ACSM2B: variants seen among roughly 807,000 people sequenced by gnomAD.
ACSM2B encodes acyl-CoA synthetase medium chain family member 2B, also known as acyl-coenzyme A synthetase ACSM2B, mitochondrial.
ACSM2B carries 58 observed loss-of-function variants against 78.6 expected under a neutral mutation model. The observed-to-expected ratio is 0.74, with a 90% confidence interval of 0.60 to 0.92. The LOEUF is 0.92. Ranked by LOEUF, ACSM2B falls within the 40% of genes least tolerant of loss-of-function variation. The probability of loss-of-function intolerance (pLI) is 0.00; values close to 1 mark genes in which losing one functional copy is unlikely to be tolerated. For missense variants in ACSM2B, 688 were observed against 711.2 expected, an observed-to-expected ratio of 0.97 and a Z score of 0.37; for synonymous variants, 257 against 256.8, an observed-to-expected ratio of 1.00 and a Z score of -0.01.
chr16:20,568,942 C>T (rs2016013509), intron 1 of ACSM2B, among the ~76,000 whole-genome samples: 1 of 151,474 alleles, frequency 6.6e-6, no homozygotes, highest in Non-Finnish European at 1.5e-5. Context: ...TGTTTGAGTT[C>T]CTTCTAGATT....
At chr16:20,560,802 T>C (rs1372254362) in intron 2 of ACSM2B, among the ~76,000 whole-genome samples, 2 of 152,110 alleles carry the variant, frequency 1.3e-5, no homozygotes, top group African/African-American at 4.8e-5. Context: ...ACTGGTTAAA[T>C]AGTTGTGAAC....
chr16:20,559,262 C>A lies in ACSM2B; in HGVS notation c.363G>T (p.Leu121=). Residue 121 remains leucine (L), a synonymous_variant, in exon 3 of 14, where the codon CTG becomes CTT. Coordinates refer to ENST00000329697, the MANE Select transcript of ACSM2B (RefSeq NM_001105069.2). The stretch of plus-strand genomic sequence containing the variant: ...CTGCTCGAATGCAGCCCAGGATCAC[C>A]AGCCACCACTCAGGCACTCGGGGCA... ...VMLPRVPEWW[L]VILGCIRAGL... 6.2e-7 allele frequency: 1 copy of A among 1,613,360 alleles called. No homozygotes were observed. Among genetic ancestry groups the A allele is most frequent in the Non-Finnish European group, 8.5e-7 (1 of 1,179,546 alleles).
chr16:20,544,479 C>T lies in ACSM2B; in HGVS notation c.1281+678G>A, dbSNP rs549092646. 208 of 677,808 alleles carry T rather than the reference C, an allele frequency of 3.1e-4. No homozygotes were observed. In the African/African-American group the frequency reaches 4.0e-3, roughly 13 times the overall value. 42.0% of individuals were successfully genotyped at this position (677,808 alleles called of 1,614,324 possible). On this transcript the variant is annotated intron_variant, in intron 10 of 13. Coordinates refer to ENST00000329697, the MANE Select transcript of ACSM2B (RefSeq NM_001105069.2). ...AGTTTAAAAATTAAATGTGTTTATA[C>T]AACAATGCTTGCCTCATGGTATGCA...
intron 1 of ACSM2B, among the ~76,000 whole-genome samples, chr16:20,572,398 G>A (rs577321263): frequency 1.4e-3 from 198 of 139,618 alleles, no homozygotes; most frequent in Non-Finnish European, 1.7e-3. Flanking sequence ...TGTGAAGATA[G>A]GGCCCCAATC....
intron 10 of ACSM2B, among the ~76,000 whole-genome samples, chr16:20,544,130 T>C (rs2015072424): frequency 6.6e-6 from 1 of 152,194 alleles, no homozygotes; most frequent in African/African-American, 2.4e-5. Context: ...ACATAGTACT[T>C]CACTGGCATT....
intron 6 of ACSM2B, among the ~76,000 whole-genome samples, chr16:20,550,853 T>C (rs1204105589): frequency 1.3e-5 from 2 of 152,192 alleles, no homozygotes; most frequent in Non-Finnish European, 1.5e-5. Flanking sequence ...TCTTATTTAA[T>C]GGCTGTACCA....
At chr16:20,567,522 A>G (rs1311558121) in intron 1 of ACSM2B, among the ~76,000 whole-genome samples, 1 of 130,278 alleles carries the variant, frequency 7.7e-6, no homozygotes, top group African/African-American at 2.9e-5. Context: ...TAATATATAA[A>G]TTATATAAAT....
At chr16:20,549,299 A>C (rs2015233736) in intron 6 of ACSM2B, among the ~76,000 whole-genome samples, 1 of 152,080 alleles carries the variant, frequency 6.6e-6, no homozygotes, top group South Asian at 2.1e-4. Flanking sequence ...GAAGAAAATA[A>C]ATTTATTTCT....
At chr16:20,557,952 T>C (rs1481948545) in intron 3 of ACSM2B, among the ~76,000 whole-genome samples, 1 of 152,188 alleles carries the variant, frequency 6.6e-6, no homozygotes, top group Non-Finnish European at 1.5e-5. Flanking sequence ...ATCTAACTTA[T>C]AGTCTAACTT....
chr16:20,555,672 T>A (rs1450705177), intron 3 of ACSM2B, among the ~76,000 whole-genome samples, 196 bp from the exon 4 acceptor site: 2 of 151,954 alleles, frequency 1.3e-5, no homozygotes, highest in African/African-American at 4.8e-5. Flanking sequence ...GTTGTCAGAG[T>A]CTTAAGGGCC....
rs1483961122 is a variant in ACSM2B at position 20,536,687 on chromosome 16, T to A, written c.*571A>T. ...TTATAGGTTTTCCTCTTTACTTCCC[T>A]CTCTTCCTTTCTTCCTGTCTTCCAT... is the stretch of plus-strand genomic sequence containing the variant. On this transcript the variant is annotated 3_prime_UTR_variant, in exon 14 of 14. Transcript: ENST00000329697. 6.6e-6 allele frequency: 1 copy of A among 152,198 alleles called. No individual in the cohort carries two copies. Among genetic ancestry groups the A allele is most frequent in the Admixed American group, 6.6e-5 (1 of 15,266 alleles). 9.4% of individuals were successfully genotyped at this position (152,198 alleles called of 1,614,324 possible). A position where few individuals can be genotyped will look rare whatever the true frequency, so the allele number is the denominator to read the frequency against.
intron 5 of ACSM2B, among the ~76,000 whole-genome samples, chr16:20,553,511 A>T (rs1165176471): frequency 1.3e-5 from 2 of 152,212 alleles, no homozygotes; most frequent in Non-Finnish European, 2.9e-5. Flanking sequence ...AAATGCACGT[A>T]AGCCTTTTGC....
chr16:20,555,295 C>T lies in ACSM2B; in HGVS notation c.570G>A (p.Gly190=), dbSNP rs1252105832. Residue 190 remains glycine (G), a synonymous_variant, in exon 4 of 14, where the codon GGG becomes GGA. Transcript: ENST00000329697. ...TTAGTAGTTTCTTGAAGTTCAGCCA[C>T]CCATCGCAGCTTTTCTCAGACACCA... ...KLLVSEKSCD[G]WLNFKKLLNE... 1 of 1,613,720 alleles carries T rather than the reference C, an allele frequency of 6.2e-7. No individual in the cohort carries two copies. Among genetic ancestry groups the T allele is most frequent in the African/African-American group, 1.3e-5 (1 of 74,856 alleles).
intron 3 of ACSM2B, among the ~76,000 whole-genome samples, chr16:20,557,797 C>T (rs1054478950): frequency 1.3e-5 from 2 of 152,156 alleles, no homozygotes; most frequent in African/African-American, 2.4e-5. Flanking sequence ...TTTCAAGCTT[C>T]CCTCCCCTGT....
At chr16:20,566,700 A>ACTATATATAG (rs2015877614) in intron 1 of ACSM2B, among the ~76,000 whole-genome samples, 1 of 6,704 alleles carries the variant, frequency 1.5e-4, no homozygotes, top group Non-Finnish European at 2.8e-4. Flanking sequence ...TATATATAGT[A>ACTATATATAG]TATATATAGT....
At chr16:20,565,341 T>G (rs570971014) in intron 1 of ACSM2B, among the ~76,000 whole-genome samples, 13 of 152,256 alleles carry the variant, frequency 8.5e-5, no homozygotes, top group South Asian at 6.2e-4. Flanking sequence ...CTACGGTTCA[T>G]CAGAAACTCT....
intron 13 of ACSM2B, among the ~76,000 whole-genome samples, chr16:20,540,294 G>A (rs2014953031): frequency 6.7e-6 from 1 of 149,220 alleles, no homozygotes; most frequent in Non-Finnish European, 1.5e-5. Flanking sequence ...TTAGGCTGGA[G>A]TGCAGTGGCA....
At chr16:20,567,085 G>T (rs1013242344) in intron 1 of ACSM2B, among the ~76,000 whole-genome samples, 1 of 133,022 alleles carries the variant, frequency 7.5e-6, no homozygotes, top group Admixed American at 9.1e-5. Flanking sequence ...CTTAGATCTA[G>T]ATATATATAA....
intron 3 of ACSM2B, among the ~76,000 whole-genome samples, chr16:20,555,724 C>T (rs2015453559): frequency 6.6e-6 from 1 of 152,276 alleles, no homozygotes; most frequent in East Asian, 1.9e-4. Flanking sequence ...TAATGTCACA[C>T]TGTTGACAGT....
Sources: allele counts gnomAD v4.1 joint callset (sites outside exome capture counted in the v4.1 genomes callset), GRCh38; gene constraint gnomAD v4.1.1; transcripts MANE v1.5; gene names NCBI Gene and HGNC (gene_info 2026-07-23, HGNC 2026-07-21).